The following SLC16A4 variants were observed in gnomAD, a reference collection of about 807,000 sequenced individuals.
The protein encoded by SLC16A4 is solute carrier family 16 member 4, also known as probable monocarboxylate transporter 5.
Under a neutral mutation model 47.9 loss-of-function variants are expected in SLC16A4, and 39 were observed. That is an observed-to-expected ratio of 0.81 (90% CI 0.63 to 1.06). The LOEUF is 1.06. Ranked by LOEUF, SLC16A4 falls within the 50% of genes least tolerant of loss-of-function variation. The pLI is 0.00. For missense variants in SLC16A4, 524 were observed against 573.8 expected (o/e 0.91, Z 0.89); for synonymous variants, 189 against 199.9 (o/e 0.95, Z 0.46).
At chr1:110,374,993 G>A (rs1489078988) in intron 8 of SLC16A4, 1 of 153,280 alleles carries the variant, frequency 6.5e-6, no homozygotes, top group Non-Finnish European at 1.5e-5. Context: ...TTTTTGTTTT[G>A]TTTTGTTTTG....
intron 2 of SLC16A4, among the ~76,000 whole-genome samples, chr1:110,384,614 C>T (rs1390660220): frequency 6.6e-6 from 1 of 152,206 alleles, no homozygotes; most frequent in African/African-American, 2.4e-5. Context: ...CCAGGGTTTG[C>T]ATTCACTCGT....
chr1:110,368,002 G>A (rs1661486340), intron 8 of SLC16A4, among the ~76,000 whole-genome samples: 1 of 152,014 alleles, frequency 6.6e-6, no homozygotes, highest in Non-Finnish European at 1.5e-5. Flanking sequence ...CTAATTTTTT[G>A]TATTTTTAGT....
chr1:110,389,256 A>G lies in SLC16A4; in HGVS notation c.68T>C (p.Ile23Thr). The change falls in exon 2 of 9, where the codon ATT becomes ACT. Residue 23 changes from isoleucine to threonine, a missense_variant. Ile to Thr is a moderately conservative substitution (Grantham distance 89). Transcript: ENST00000369779. ...KTLDGGWGWM[I>T]VIHFFLVNVF... ...TCTTACCAGGAAAAAATGAATCACAATCATCCATCCCCATCCTCCATCCAG... is the reference window on the plus strand; with the variant it reads ...TCTTACCAGGAAAAAATGAATCACAGTCATCCATCCCCATCCTCCATCCAG... The G allele has an allele frequency of 1.9e-6, 3 of 1,613,974 alleles. No homozygotes were observed. Among genetic ancestry groups the G allele is most frequent in the Non-Finnish European group, 2.5e-6 (3 of 1,179,810 alleles).
rs201445604 is a variant in SLC16A4 at position 110,378,508 on chromosome 1, C to G, written c.1030+345G>C. 8.5e-5 allele frequency among the ~76,000 whole-genome samples: 13 copies of G among 152,300 alleles called. No individual in the cohort carries two copies. The East Asian group carries it at 2.5e-3, about 29-fold the overall frequency. On this transcript the variant is annotated intron_variant, in intron 6 of 8. Transcript: ENST00000369779. The stretch of plus-strand genomic sequence containing the variant: ...TGAGCCACTGCACTGTGCTGTCTAC[C>G]TGGGGTTTTCTGCTCCTTATAGTGG...
chr1:110,378,629 C>T (rs1185338167), intron 6 of SLC16A4, among the ~76,000 whole-genome samples: 1 of 152,162 alleles, frequency 6.6e-6, no homozygotes, highest in Non-Finnish European at 1.5e-5. Flanking sequence ...ATGAATAAGA[C>T]TTGATTTAGG....
At position 110,362,873 on chromosome 1, in the gene SLC16A4, TTTA is replaced by T. The variant is rs1362760071; in HGVS notation, c.*890_*892del. 2 of 152,178 alleles carry T rather than the reference TTTA, an allele frequency of 1.3e-5. No homozygotes were observed. The highest frequency in any genetic ancestry group is 2.9e-5 in the Non-Finnish European group (2 of 68,040). The allele number at this position is 152,178 out of a possible 1,614,324, so 9.4% of individuals were successfully genotyped here. A position where few individuals can be genotyped will look rare whatever the true frequency, so the allele number is the denominator to read the frequency against. On this transcript the variant is annotated 3_prime_UTR_variant, in exon 9 of 9. Coordinates refer to ENST00000369779, the MANE Select transcript of SLC16A4 (RefSeq NM_004696.3). Reference sequence around the variant, plus strand: ...TTTTTAAAGCAATTTTTATATACTTTTTATTATTTAGCAATACATGTTTATCAT... The same window carrying T: ...TTTTTAAAGCAATTTTTATATACTTTTTATTTAGCAATACATGTTTATCAT...
At chr1:110,378,147 T>G (rs767707003) in intron 6 of SLC16A4, among the ~76,000 whole-genome samples, 16 of 152,180 alleles carry the variant, frequency 1.1e-4, no homozygotes, top group Non-Finnish European at 2.4e-4. Context: ...TTACTTTTAA[T>G]TTACATTTTA....
At position 110,376,978 on chromosome 1, in the gene SLC16A4, C is replaced by G; in HGVS notation, c.1214G>C (p.Gly405Ala). The G allele has an allele frequency of 2.5e-6, 4 of 1,613,914 alleles. No homozygotes were observed. The South Asian group carries it at 4.4e-5, about 18-fold the overall frequency. ...YTICFAIFAG[G>A]YLALILPVLV... ...TACAGGCAGTATCAATGCCAGGTAACCACCAGCAAAGATGGCAAAGCAGAT... is the reference window on the plus strand; with the variant it reads ...TACAGGCAGTATCAATGCCAGGTAAGCACCAGCAAAGATGGCAAAGCAGAT... The change falls in exon 7 of 9, where the codon GGT (glycine) becomes GCT (alanine). Residue 405 changes from glycine to alanine, a missense_variant. By Grantham distance (60) the Gly-to-Ala change is moderately conservative (BLOSUM62 0). Coordinates refer to ENST00000369779, the MANE Select transcript of SLC16A4 (RefSeq NM_004696.3).
intron 2 of SLC16A4, among the ~76,000 whole-genome samples, chr1:110,383,919 A>G (rs767249913): frequency 6.6e-6 from 1 of 151,438 alleles, no homozygotes; most frequent in Non-Finnish European, 1.5e-5. Context: ...GGGAATGAAC[A>G]AGGACAGCTT....
intron 2 of SLC16A4, among the ~76,000 whole-genome samples, chr1:110,385,507 C>T (rs1192864985): frequency 6.6e-6 from 1 of 152,200 alleles, no homozygotes; most frequent in African/African-American, 2.4e-5. Flanking sequence ...AACATAAACT[C>T]ACATTTCCCT....
intron 8 of SLC16A4, among the ~76,000 whole-genome samples, chr1:110,368,257 A>T (rs944140754): frequency 2.6e-5 from 4 of 152,250 alleles, no homozygotes; most frequent in Non-Finnish European, 5.9e-5. Flanking sequence ...TAGCATAAGC[A>T]TTGTGAACGT....
intron 2 of SLC16A4, among the ~76,000 whole-genome samples, chr1:110,386,851 C>T (rs2101074539): frequency 6.6e-6 from 1 of 152,342 alleles, no homozygotes; most frequent in African/African-American, 2.4e-5. Context: ...CTAAAGTTCA[C>T]TAACTTTGGC....
At position 110,363,695 on chromosome 1, in the gene SLC16A4, C is replaced by G. The variant is rs1661204713; in HGVS notation, c.*71G>C. On this transcript the variant is annotated 3_prime_UTR_variant, in exon 9 of 9. Coordinates refer to ENST00000369779, the MANE Select transcript of SLC16A4 (RefSeq NM_004696.3). The stretch of plus-strand genomic sequence containing the variant: ...GTAGATGCGATGTGTTTCTTTCAAG[C>G]TTTTGTTTCCAATGACATTAGTTTA... 1 of 1,392,296 alleles carries G rather than the reference C, an allele frequency of 7.2e-7. No individual in the cohort carries two copies. The highest frequency in any genetic ancestry group is 9.6e-7 in the Non-Finnish European group (1 of 1,043,272). The allele number at this position is 1,392,296 out of a possible 1,614,324, so 86.2% of individuals were successfully genotyped here. A position where few individuals can be genotyped will look rare whatever the true frequency, so the allele number is the denominator to read the frequency against.
chr1:110,365,656 C>T (rs1336858981), intron 8 of SLC16A4, among the ~76,000 whole-genome samples: 1 of 152,138 alleles, frequency 6.6e-6, no homozygotes, highest in Non-Finnish European at 1.5e-5. Context: ...GTAGACATTT[C>T]TAGAAAGGAA....
At chr1:110,380,362 CA>C in intron 5 of SLC16A4, among the ~76,000 whole-genome samples, 1 of 152,114 alleles carries the variant, frequency 6.6e-6, no homozygotes, top group Non-Finnish European at 1.5e-5. Flanking sequence ...CATATGAATA[CA>C]CACATATACA....
intron 2 of SLC16A4, among the ~76,000 whole-genome samples, chr1:110,385,274 A>G (rs999585975): frequency 3.3e-5 from 5 of 152,226 alleles, no homozygotes; most frequent in Non-Finnish European, 5.9e-5. Flanking sequence ...CGCACGTCAC[A>G]TGGGTTAAGC....
intron 2 of SLC16A4, among the ~76,000 whole-genome samples, chr1:110,384,549 C>A (rs1662623968): frequency 6.6e-6 from 1 of 152,170 alleles, no homozygotes; most frequent in East Asian, 1.9e-4. Context: ...TTCCTTCTTT[C>A]CGTTTTTAAG....
rs766571332 is a variant in SLC16A4 at position 110,389,328 on chromosome 1, C to T, written c.-5G>A. 1 of 1,602,618 alleles carries T rather than the reference C, an allele frequency of 6.2e-7. No individual in the cohort carries two copies. The highest frequency in any genetic ancestry group is 8.6e-7 in the Non-Finnish European group (1 of 1,169,580). On this transcript the variant is annotated 5_prime_UTR_variant, in exon 2 of 9. Transcript: ENST00000369779. Reference sequence around the variant, plus strand: ...CTTCCCCTCCCTCTTCAGCATGATGCCTCTTCTATTTTAAATGCAGAAGAT... The same window carrying T: ...CTTCCCCTCCCTCTTCAGCATGATGTCTCTTCTATTTTAAATGCAGAAGAT...
Position 110,363,625 on chromosome 1 carries a change from CAA to C in SLC16A4, c.*139_*140del, listed in dbSNP as rs57148886. Reference sequence around the variant, plus strand: ...TGGGCGAAAGAGCGAGACTCCGTCTCAAAAAAAAAAAAAAAAAAATTGTTTTC... The same window carrying C: ...TGGGCGAAAGAGCGAGACTCCGTCTCAAAAAAAAAAAAAAAAATTGTTTTC... On this transcript the variant is annotated 3_prime_UTR_variant, in exon 9 of 9. Transcript: ENST00000369779. 9,144 of 480,404 alleles carry C rather than the reference CAA, an allele frequency of 0.019. No individual in the cohort carries two copies. The highest frequency in any genetic ancestry group is 0.033 in the South Asian group (914 of 27,610). 29.8% of individuals were successfully genotyped at this position (480,404 alleles called of 1,614,324 possible).
Sources: allele counts gnomAD v4.1 joint callset (sites outside exome capture counted in the v4.1 genomes callset), GRCh38; gene constraint gnomAD v4.1.1; transcripts MANE v1.5; gene names NCBI Gene and HGNC (gene_info 2026-07-23, HGNC 2026-07-21).